TMPRSS12: variants seen among roughly 807,000 people sequenced by gnomAD.
The protein encoded by TMPRSS12 is transmembrane serine protease 12.
In TMPRSS12, 25 loss-of-function variants were observed where a neutral mutation model predicts 26.0. The ratio of observed to expected loss-of-function variants is 0.96; its 90% confidence interval spans 0.70 to 1.34. TMPRSS12 has a LOEUF of 1.34. Among genes scored for constraint, TMPRSS12 ranks in the 40% most tolerant of loss-of-function variants. The probability of loss-of-function intolerance (pLI) is 0.00; values close to 1 mark genes in which losing one functional copy is unlikely to be tolerated. For synonymous variants in TMPRSS12, 150 were observed against 161.7 expected (o/e 0.93, Z 0.55); for missense variants, 441 against 440.1 (o/e 1.00, Z -0.02).
chr12:50,844,731 C>T (rs1937751931), intron 2 of TMPRSS12, among the ~76,000 whole-genome samples: 1 of 152,112 alleles, frequency 6.6e-6, no homozygotes, highest in Non-Finnish European at 1.5e-5. Flanking sequence ...AAATATTTTA[C>T]ACTTTGAAGG....
chr12:50,845,682 G>T (rs1937760848), intron 2 of TMPRSS12, among the ~76,000 whole-genome samples: 1 of 152,162 alleles, frequency 6.6e-6, no homozygotes, highest in Admixed American at 6.5e-5. Context: ...GGCCTGTGAA[G>T]GCTCTCTGTG....
At chr12:50,887,211 G>T (rs1446674189) in intron 4 of TMPRSS12, 51 bp from the exon 5 acceptor site, 1 of 1,561,254 alleles carries the variant, frequency 6.4e-7, no homozygotes, top group Non-Finnish European at 8.7e-7. Flanking sequence ...TGTTACTGTT[G>T]CTTGAAGAAT....
Position 50,885,388 on chromosome 12 carries a change from G to A in TMPRSS12, c.795G>A (p.Arg265=). 9.3e-6 allele frequency: 15 copies of A among 1,613,684 alleles called. No individual in the cohort carries two copies. The highest frequency in any genetic ancestry group is 1.3e-5 in the Non-Finnish European group (15 of 1,179,810). Reference sequence around the variant, plus strand: ...AAGATGGAGCTTTTGATACTTGCAGGGTAAGACCAAGTAATTTTCCTTTAA... The same window carrying A: ...AAGATGGAGCTTTTGATACTTGCAGAGTAAGACCAAGTAATTTTCCTTTAA... ...GDEDGAFDTC[R]GDSGGPLMCY... is the part of the protein sequence containing the mutation. The change falls in exon 4 of 5, where the codon AGG becomes AGA. Residue 265 remains arginine, a splice_region_variant and synonymous_variant. Coordinates refer to ENST00000398458, the MANE Select transcript of TMPRSS12 (RefSeq NM_182559.3).
intron 3 of TMPRSS12, among the ~76,000 whole-genome samples, chr12:50,874,096 C>G (rs970369195): frequency 8.8e-5 from 12 of 136,410 alleles, no homozygotes; most frequent in Non-Finnish European, 6.4e-5. Flanking sequence ...TTAAAGTCTT[C>G]CCATTTAAAA....
intron 1 of TMPRSS12, among the ~76,000 whole-genome samples, chr12:50,843,540 T>G (rs1287846331): frequency 6.6e-6 from 1 of 152,222 alleles, no homozygotes; most frequent in South Asian, 2.1e-4. Flanking sequence ...GCTCTTTAAC[T>G]GCTATTTCAC....
At chr12:50,860,530 T>C (rs1937924677) in intron 3 of TMPRSS12, among the ~76,000 whole-genome samples, 1 of 152,116 alleles carries the variant, frequency 6.6e-6, no homozygotes, top group Non-Finnish European at 1.5e-5. Context: ...ATTCTCCTGC[T>C]TCAGCCTCTC....
At chr12:50,852,261 A>T (rs1052654046) in intron 2 of TMPRSS12, among the ~76,000 whole-genome samples, 82 of 152,324 alleles carry the variant, frequency 5.4e-4, no homozygotes, top group African/African-American at 1.9e-3. Context: ...TGGATAAAAA[A>T]CAAGACCCAC....
chr12:50,876,524 G>T (rs1938114177), intron 3 of TMPRSS12, among the ~76,000 whole-genome samples: 1 of 152,184 alleles, frequency 6.6e-6, no homozygotes, highest in Non-Finnish European at 1.5e-5. Flanking sequence ...GACTGGATAG[G>T]CCGGGTGCGG....
chr12:50,882,287 A>C (rs1381703464), intron 3 of TMPRSS12, among the ~76,000 whole-genome samples: 32 of 15,386 alleles, frequency 2.1e-3, no homozygotes, highest in African/African-American at 8.8e-3. Context: ...CCATCTCTCT[A>C]AAAAAAAAAA....
At chr12:50,868,701 A>G (rs1431875988) in intron 3 of TMPRSS12, among the ~76,000 whole-genome samples, 1 of 152,178 alleles carries the variant, frequency 6.6e-6, no homozygotes. Context: ...TACACTTTCT[A>G]TTCAACACTG....
At chr12:50,868,066 T>G (rs1307595225) in intron 3 of TMPRSS12, among the ~76,000 whole-genome samples, 10 of 151,984 alleles carry the variant, frequency 6.6e-5, no homozygotes, top group Non-Finnish European at 8.8e-5. Flanking sequence ...AAAATACAGT[T>G]TAAAAAGCAT....
intron 3 of TMPRSS12, among the ~76,000 whole-genome samples, chr12:50,881,832 G>T (rs1018142776): frequency 6.6e-6 from 1 of 150,388 alleles, no homozygotes; most frequent in Non-Finnish European, 1.5e-5. Flanking sequence ...TTAGCTGGGC[G>T]TGGTGGCGTG....
chr12:50,850,677 T>TTCCACCACC, intron 2 of TMPRSS12, among the ~76,000 whole-genome samples: 1 of 152,306 alleles, frequency 6.6e-6, no homozygotes, highest in East Asian at 1.9e-4. Context: ...TCCACTGCAC[T>TTCCACCACC]TCCACCACCA....
intron 3 of TMPRSS12, among the ~76,000 whole-genome samples, chr12:50,860,808 G>A (rs954473896): frequency 2.0e-4 from 31 of 151,972 alleles, no homozygotes; most frequent in African/African-American, 7.3e-4. Context: ...ACAGGGTCTT[G>A]CCATGTTTCC....
At chr12:50,848,185 GA>G (rs34815258) in intron 2 of TMPRSS12, 86,964 of 146,246 alleles carry the variant, frequency 0.59, 26,904 homozygotes, top group Non-Finnish European at 0.69. Flanking sequence ...AGGTTGTCAG[GA>G]AAAAAAAAAA....
chr12:50,864,651 A>ATTGTT (rs898758340), intron 3 of TMPRSS12, among the ~76,000 whole-genome samples: 10 of 152,054 alleles, frequency 6.6e-5, no homozygotes, highest in Non-Finnish European at 1.3e-4. Flanking sequence ...GCAATAGACT[A>ATTGTT]TTGTTTTGTT....
Position 50,858,807 on chromosome 12 carries a change from G to A in TMPRSS12, c.406G>A (p.Val136Met), listed in dbSNP as rs781593135. ...CAGCGATCCTTTAATGTGGACAGCTGTGATTGGAACTAATAATATACATGG... is the reference window on the plus strand; with the variant it reads ...CAGCGATCCTTTAATGTGGACAGCTATGATTGGAACTAATAATATACATGG... ...DASDPLMWTA[V>M]IGTNNIHGRY... Residue 136 changes from valine (V) to methionine (M), a missense_variant, in exon 3 of 5, where the codon GTG becomes ATG. Coordinates refer to ENST00000398458, the MANE Select transcript of TMPRSS12 (RefSeq NM_182559.3). 27 of 1,596,930 alleles carry A rather than the reference G, an allele frequency of 1.7e-5. No homozygotes were observed. The South Asian group carries it at 2.6e-4, about 16-fold the overall frequency.
At chr12:50,885,043 C>G (rs1938211591) in intron 3 of TMPRSS12, among the ~76,000 whole-genome samples, 1 of 152,086 alleles carries the variant, frequency 6.6e-6, no homozygotes, top group Non-Finnish European at 1.5e-5. Flanking sequence ...GACTCTATCT[C>G]AAAAACGAAC....
intron 3 of TMPRSS12, among the ~76,000 whole-genome samples, chr12:50,873,827 T>TA (rs1938089525): frequency 6.6e-6 from 1 of 152,144 alleles, no homozygotes; most frequent in Non-Finnish European, 1.5e-5. Flanking sequence ...ACAGAAACCT[T>TA]AAAATCATAA....
Sources: gnomAD v4.1 joint callset for allele counts (sites outside exome capture counted in the v4.1 genomes callset) on GRCh38, gnomAD v4.1.1 for gene constraint, MANE v1.5 for transcripts, NCBI Gene and HGNC (gene_info 2026-07-23, HGNC 2026-07-21) for gene names.